GABPB2: variants seen among roughly 807,000 people sequenced by gnomAD.
GABPB2 encodes the protein GA binding protein transcription factor subunit beta 2.
A neutral mutation model predicts 39.1 loss-of-function variants in GABPB2; 23 were observed. The ratio of observed to expected loss-of-function variants is 0.59; its 90% CI spans 0.42 to 0.83. GABPB2 has a LOEUF of 0.83. Ranked by LOEUF, GABPB2 falls within the 40% of genes least tolerant of loss-of-function variation. The pLI, the probability that GABPB2 is intolerant of heterozygous loss-of-function variation, is 0.00. For missense variants in GABPB2, 467 were observed against 541.1 expected, an observed-to-expected ratio of 0.86 and a Z score of 1.36; for synonymous variants, 184 against 199.3, an observed-to-expected ratio of 0.92 and a Z score of 0.65.
In GABPB2 at chr1:151,072,289, G is replaced by A. The variant is rs1334498314; in HGVS notation, c.-1+1355G>A. On this transcript the variant is annotated intron_variant, in intron 1 of 8. Transcript: ENST00000368918. ...TGGCCGGGCGCAGTGGCTCACGCCT[G>A]TAATCCCAGCATTTTGGGAAGCTGA... is the stretch of plus-strand genomic sequence containing the variant. Among the ~76,000 whole-genome samples the A allele has an allele frequency of 3.3e-5, 5 of 152,242 alleles. 1 individual carries two copies. Among genetic ancestry groups the A allele is most frequent in the African/African-American group, 1.2e-4 (5 of 41,464 alleles).
chr1:151,110,537 C>T (rs1386235049), intron 7 of GABPB2, among the ~76,000 whole-genome samples: 1 of 152,008 alleles, frequency 6.6e-6, no homozygotes, highest in Non-Finnish European at 1.5e-5. Flanking sequence ...TCTCAGCTCC[C>T]TGCAACCTCA....
intron 7 of GABPB2, among the ~76,000 whole-genome samples, chr1:151,109,298 TTA>T (rs33932552): frequency 0.84 from 117,281 of 139,508 alleles, 49,834 homozygotes; most frequent in Non-Finnish European, 0.92. Flanking sequence ...TTGTGGGGAT[TTA>T]TATATATATA....
chr1:151,117,730 C>T (rs1163239643), intron 8 of GABPB2, among the ~76,000 whole-genome samples: 1 of 152,064 alleles, frequency 6.6e-6, no homozygotes. Flanking sequence ...ATTACAGGCA[C>T]CTGCCACCAT....
At chr1:151,101,607 A>G (rs1679533317) in intron 5 of GABPB2, among the ~76,000 whole-genome samples, 1 of 152,010 alleles carries the variant, frequency 6.6e-6, no homozygotes, top group Non-Finnish European at 1.5e-5. Context: ...AGAAAAGAAT[A>G]CAGGAATAGC....
intron 5 of GABPB2, among the ~76,000 whole-genome samples, chr1:151,101,127 C>T (rs1163449632): frequency 1.3e-5 from 2 of 151,712 alleles, no homozygotes; most frequent in Non-Finnish European, 2.9e-5. Flanking sequence ...GTGATGCACA[C>T]CTGTAGTCCC....
rs1021495828 is a variant in GABPB2, at chr1:151,109,472, C to T, written c.922+2250C>T. On this transcript the variant is annotated intron_variant, in intron 7 of 8. Coordinates refer to ENST00000368918, the MANE Select transcript of GABPB2 (RefSeq NM_144618.3). ...CTCCTGGGTTCAAGCGATTCTCCTG[C>T]CTCAGCCTCCTGAGTAGCTGGGATT... is the stretch of plus-strand genomic sequence containing the variant. Among the ~76,000 whole-genome samples the T allele has an allele frequency of 2.7e-5, 4 of 150,616 alleles. No homozygotes were observed. In the Admixed American group the frequency reaches 2.7e-4, roughly 10 times the overall value.
intron 7 of GABPB2, 54 bp from the exon 8 acceptor site, chr1:151,117,338 C>T: frequency 6.4e-7 from 1 of 1,570,992 alleles, no homozygotes; most frequent in East Asian, 2.3e-5. Context: ...CAAGCAAAAC[C>T]TCTTTGTTTT....
intron 1 of GABPB2, among the ~76,000 whole-genome samples, chr1:151,086,740 T>C (rs1678231389): frequency 6.6e-6 from 1 of 152,046 alleles, no homozygotes; most frequent in Non-Finnish European, 1.5e-5. Context: ...CAATCTCAGC[T>C]CACTGCAACC....
rs983883129 is a variant in GABPB2, at chr1:151,122,906, G to T, written c.*4650G>T. The T allele has an allele frequency of 6.6e-6, 1 of 151,936 alleles. No homozygotes were observed. The highest frequency in any genetic ancestry group is 1.5e-5 in the Non-Finnish European group (1 of 67,986). The allele number at this position is 151,936 out of a possible 1,614,324, so 9.4% of individuals were successfully genotyped here. Reference sequence around the variant, plus strand: ...AAAAGGCATTGATTTTTATTTACTCGGAACGGTCCTCTTGGCATCCCAGAT... The same window carrying T: ...AAAAGGCATTGATTTTTATTTACTCTGAACGGTCCTCTTGGCATCCCAGAT... On this transcript the variant is annotated 3_prime_UTR_variant, in exon 9 of 9. Transcript: ENST00000368918.
At chr1:151,081,508 CAAAG>C (rs1005274371) in intron 1 of GABPB2, among the ~76,000 whole-genome samples, 6 of 152,000 alleles carry the variant, frequency 3.9e-5, no homozygotes, top group South Asian at 4.2e-4. Flanking sequence ...AAAAAAGAAA[CAAAG>C]AAACAAACCG....
chr1:151,080,228 A>AC lies in GABPB2; in HGVS notation c.1-7962_1-7961insC, dbSNP rs1558126250. Among the ~76,000 whole-genome samples, 880 of 128,442 alleles carry AC rather than the reference A, an allele frequency of 6.9e-3. 17 individuals are homozygous for AC. Among genetic ancestry groups the AC allele is most frequent in the African/African-American group, 0.03 (833 of 27,924 alleles). The allele number at this position is 128,442 out of a possible 152,430, so 84.3% of individuals were successfully genotyped here. A position where few individuals can be genotyped will look rare whatever the true frequency, so the allele number is the denominator to read the frequency against. Reference sequence around the variant, plus strand: ...CAAACTCCATCTCAAAAAAAAAAAAAAAAAAAAAAAAAAAAACAATAATTA... The same window carrying AC: ...CAAACTCCATCTCAAAAAAAAAAAAACAAAAAAAAAAAAAAAACAATAATTA... On this transcript the variant is annotated intron_variant, in intron 1 of 8. Transcript: ENST00000368918.
intron 1 of GABPB2, among the ~76,000 whole-genome samples, chr1:151,076,076 A>C (rs1183845257): frequency 6.6e-6 from 1 of 152,204 alleles, no homozygotes; most frequent in Non-Finnish European, 1.5e-5. Context: ...CTGGAAGATT[A>C]AAAGGTGTTC....
At chr1:151,106,282 T>G (rs1679961010) in intron 6 of GABPB2, among the ~76,000 whole-genome samples, 1 of 149,634 alleles carries the variant, frequency 6.7e-6, no homozygotes. Context: ...TTCAAGATAC[T>G]TTCTGAAAAA....
chr1:151,078,755 T>C (rs1407131988), intron 1 of GABPB2, among the ~76,000 whole-genome samples: 2 of 151,896 alleles, frequency 1.3e-5, no homozygotes, highest in African/African-American at 4.8e-5. Flanking sequence ...TTCTCCTGCC[T>C]CAGCCTCCTG....
At position 151,120,733 on chromosome 1, in the gene GABPB2, T is replaced by A. The variant is rs1681151483; in HGVS notation, c.*2477T>A. On this transcript the variant is annotated 3_prime_UTR_variant, in exon 9 of 9. Coordinates refer to ENST00000368918, the MANE Select transcript of GABPB2 (RefSeq NM_144618.3). Reference sequence around the variant, plus strand: ...AAAAACTTGTTTCCAAACATTTATGTAATGTCAAGCTCAGTCTCTCTTTTT... The same window carrying A: ...AAAAACTTGTTTCCAAACATTTATGAAATGTCAAGCTCAGTCTCTCTTTTT... 6.6e-6 allele frequency: 1 copy of A among 151,170 alleles called. No individual in the cohort carries two copies. The highest frequency in any genetic ancestry group is 1.5e-5 in the Non-Finnish European group (1 of 67,948). The allele number at this position is 151,170 out of a possible 1,614,324, so 9.4% of individuals were successfully genotyped here.
intron 2 of GABPB2, among the ~76,000 whole-genome samples, chr1:151,088,974 T>G (rs1364587329): frequency 7.3e-6 from 1 of 136,068 alleles, no homozygotes; most frequent in Non-Finnish European, 1.6e-5. Context: ...CACTACAGCT[T>G]GGAAACTCTG....
At position 151,091,932 on chromosome 1, in the gene GABPB2, A is replaced by G. The variant is rs186828092; in HGVS notation, c.277-1260A>G. On this transcript the variant is annotated intron_variant, in intron 3 of 8. Coordinates refer to ENST00000368918, the MANE Select transcript of GABPB2 (RefSeq NM_144618.3). ...GTAGCTGGGAGGACTACAGGCATGC[A>G]GCACCATGCCCAGCTAATTTATTTT... 1.4e-3 allele frequency among the ~76,000 whole-genome samples: 212 copies of G among 151,878 alleles called. 3 individuals carry two copies. Among genetic ancestry groups the G allele is most frequent in the African/African-American group, 5.0e-3 (208 of 41,436 alleles).
rs1681155240 is a variant in GABPB2, at chr1:151,120,789, T to C, written c.*2533T>C. On this transcript the variant is annotated 3_prime_UTR_variant, in exon 9 of 9. Transcript: ENST00000368918. Reference sequence around the variant, plus strand: ...TTTTTTTTTTGAGACGGAGTCTTGCTCTTGTTGCCCAGGCTGGAGTGCAAT... The same window carrying C: ...TTTTTTTTTTGAGACGGAGTCTTGCCCTTGTTGCCCAGGCTGGAGTGCAAT... 6.9e-6 allele frequency: 1 copy of C among 144,446 alleles called. No homozygotes were observed. Among genetic ancestry groups the C allele is most frequent in the Admixed American group, 7.5e-5 (1 of 13,246 alleles). The allele number at this position is 144,446 out of a possible 1,614,324, so 8.9% of individuals were successfully genotyped here.
chr1:151,076,807 T>C (rs1165381475), intron 1 of GABPB2, among the ~76,000 whole-genome samples: 1 of 150,696 alleles, frequency 6.6e-6, no homozygotes, highest in African/African-American at 2.4e-5. Context: ...TTTTTTTTTT[T>C]TTTTGAGATG....
Sources: gnomAD v4.1 joint callset for allele counts (sites outside exome capture counted in the v4.1 genomes callset) on GRCh38, gnomAD v4.1.1 for gene constraint, MANE v1.5 for transcripts, NCBI Gene and HGNC (gene_info 2026-07-23, HGNC 2026-07-21) for gene names.